The following IMMP2L variants were observed in gnomAD, a reference collection of about 807,000 sequenced individuals.
IMMP2L encodes inner mitochondrial membrane peptidase subunit 2.
Under a neutral mutation model 19.3 loss-of-function variants are expected in IMMP2L, and 18 were observed. That is an observed-to-expected ratio of 0.93 (90% CI 0.64 to 1.38). IMMP2L has a LOEUF of 1.38. Ranked by LOEUF, IMMP2L falls within the 40% of genes most tolerant of loss-of-function variation. The probability of loss-of-function intolerance (pLI) is 0.00; values close to 1 mark genes in which losing one functional copy is unlikely to be tolerated. For synonymous variants in IMMP2L, 76 were observed against 73.0 expected, an observed-to-expected ratio of 1.04 and a Z score of -0.21; for missense variants, 233 against 218.2, an observed-to-expected ratio of 1.07 and a Z score of -0.43.
Position 110,663,358 on chromosome 7 carries a change from G to T in IMMP2L, c.*244C>A. ...GTGCAATATTTTTATATTCCCAAAG[G>T]TCTGCATATTTTGGGGGCATTAAAC... On this transcript the variant is annotated 3_prime_UTR_variant, in exon 6 of 6. Coordinates refer to ENST00000405709, the MANE Select transcript of IMMP2L (RefSeq NM_032549.4). The T allele has an allele frequency of 5.5e-6, 2 of 364,226 alleles. No homozygotes were observed. The highest frequency in any genetic ancestry group is 3.5e-5 in the South Asian group (1 of 28,644). 22.6% of individuals were successfully genotyped at this position (364,226 alleles called of 1,614,324 possible).
At position 111,027,495 on chromosome 7, in the gene IMMP2L, A is replaced by G. The variant is rs193051613; in HGVS notation, c.240-63930T>C. On this transcript the variant is annotated intron_variant, in intron 3 of 5. Coordinates refer to ENST00000405709, the MANE Select transcript of IMMP2L (RefSeq NM_032549.4). ...GTTGCGGGAAGGAGGCAGAGAGAAA[A>G]AGAAACACTAATTTTATGTGAATGA... 4.6e-5 allele frequency among the ~76,000 whole-genome samples: 7 copies of G among 152,166 alleles called. No individual in the cohort carries two copies. The East Asian group carries it at 1.4e-3, about 29-fold the overall frequency.
intron 3 of IMMP2L, among the ~76,000 whole-genome samples, chr7:111,268,478 T>C (rs1818058290): frequency 7.0e-6 from 1 of 142,644 alleles, no homozygotes; most frequent in Admixed American, 7.0e-5. Flanking sequence ...GTTTTTGTCG[T>C]TTATCTAATA....
At chr7:111,029,110 C>G (rs142030908) in intron 3 of IMMP2L, among the ~76,000 whole-genome samples, 2 of 152,250 alleles carry the variant, frequency 1.3e-5, no homozygotes, top group African/African-American at 4.8e-5. Context: ...TATAAATCAG[C>G]TGTCATGATA....
chr7:111,106,662 A>G (rs1798582360), intron 3 of IMMP2L, among the ~76,000 whole-genome samples: 1 of 147,066 alleles, frequency 6.8e-6, no homozygotes, highest in African/African-American at 2.5e-5. Context: ...TATTAAGATA[A>G]CAGGAATTAA....
intron 3 of IMMP2L, among the ~76,000 whole-genome samples, chr7:111,326,584 T>C (rs1048540677): frequency 2.0e-5 from 3 of 151,864 alleles, no homozygotes; most frequent in Admixed American, 6.6e-5. Flanking sequence ...AATAGGAATA[T>C]GCAAAGATGG....
chr7:110,689,305 A>G (rs1409068895), intron 5 of IMMP2L, among the ~76,000 whole-genome samples: 1 of 152,178 alleles, frequency 6.6e-6, no homozygotes, highest in Non-Finnish European at 1.5e-5. Flanking sequence ...TTTTAAAAGG[A>G]GCAAAGAGAT....
At chr7:110,821,791 C>T (rs530631240) in intron 5 of IMMP2L, among the ~76,000 whole-genome samples, 45 of 152,068 alleles carry the variant, frequency 3.0e-4, no homozygotes, top group Middle Eastern at 3.4e-3. Flanking sequence ...GGCGTGGTGG[C>T]GCATGCCTGT....
intron 1 of IMMP2L, among the ~76,000 whole-genome samples, chr7:111,533,523 A>G (rs1040095807): frequency 5.3e-5 from 8 of 152,146 alleles, no homozygotes; most frequent in African/African-American, 1.4e-4. Flanking sequence ...AGAAATGACT[A>G]ATACAATACA....
chr7:110,992,883 T>C (rs1822634151), intron 3 of IMMP2L, among the ~76,000 whole-genome samples: 1 of 152,120 alleles, frequency 6.6e-6, no homozygotes, highest in South Asian at 2.1e-4. Context: ...TCCCCAGAGA[T>C]AAAATAACTT....
intron 3 of IMMP2L, among the ~76,000 whole-genome samples, chr7:111,022,726 G>C (rs1826413839): frequency 6.6e-6 from 1 of 152,180 alleles, no homozygotes. Context: ...CAGAAGCAGA[G>C]AGGTCACTAA....
At chr7:111,335,025 A>G (rs1158834554) in intron 3 of IMMP2L, among the ~76,000 whole-genome samples, 2 of 152,076 alleles carry the variant, frequency 1.3e-5, no homozygotes, top group Admixed American at 1.3e-4. Flanking sequence ...TTGAATCTGT[A>G]GCAGGAGCAG....
intron 5 of IMMP2L, among the ~76,000 whole-genome samples, chr7:110,788,987 A>G (rs974682447): frequency 6.6e-6 from 1 of 151,794 alleles, no homozygotes; most frequent in Admixed American, 6.6e-5. Flanking sequence ...CAGTCTTGGA[A>G]CTTAGCTGCT....
chr7:111,182,607 A>C (rs62466686), intron 3 of IMMP2L, among the ~76,000 whole-genome samples: 3 of 151,950 alleles, frequency 2.0e-5, no homozygotes, highest in African/African-American at 2.4e-5. Flanking sequence ...GTACCCACCG[A>C]AATTTTTTTC....
chr7:111,337,286 C>T (rs1826524274), intron 3 of IMMP2L, among the ~76,000 whole-genome samples: 1 of 151,792 alleles, frequency 6.6e-6, no homozygotes, highest in Non-Finnish European at 1.5e-5. Flanking sequence ...ATTGATTTGC[C>T]TATCTTTTAA....
At chr7:111,473,535 G>A (rs10267033) in intron 3 of IMMP2L, among the ~76,000 whole-genome samples, 26,727 of 152,122 alleles carry the variant, frequency 0.18, 4,415 homozygotes, top group African/African-American at 0.44. Context: ...TTAGCAAGGC[G>A]TAATCCAGCA....
chr7:111,277,798 G>T (rs994732431), intron 3 of IMMP2L, among the ~76,000 whole-genome samples: 7 of 152,112 alleles, frequency 4.6e-5, no homozygotes, highest in Non-Finnish European at 1.5e-5. Context: ...GTTTATTGCA[G>T]CACTATTCAC....
intron 5 of IMMP2L, among the ~76,000 whole-genome samples, chr7:110,718,202 G>A (rs1308958429): frequency 2.0e-5 from 3 of 152,188 alleles, no homozygotes; most frequent in African/African-American, 7.2e-5. Flanking sequence ...TTGTAAGGAG[G>A]TAAGAATAAG....
chr7:111,068,937 C>T (rs950540800), intron 3 of IMMP2L, among the ~76,000 whole-genome samples: 1 of 152,092 alleles, frequency 6.6e-6, no homozygotes, highest in Non-Finnish European at 1.5e-5. Context: ...GTAATGATTG[C>T]CAACACAATA....
intron 3 of IMMP2L, among the ~76,000 whole-genome samples, chr7:111,201,631 G>A (rs1353317007): frequency 4.6e-5 from 7 of 151,766 alleles, no homozygotes; most frequent in East Asian, 1.9e-4. Context: ...TGGGAAGATC[G>A]CTTGAGCCTG....
Sources: allele counts gnomAD v4.1 joint callset (sites outside exome capture counted in the v4.1 genomes callset), GRCh38; gene constraint gnomAD v4.1.1; transcripts MANE v1.5; gene names NCBI Gene and HGNC (gene_info 2026-07-23, HGNC 2026-07-21).